MYLK3: variants seen among roughly 807,000 people sequenced by gnomAD.
MYLK3 encodes the protein myosin light chain kinase 3.
MYLK3 carries 55 observed loss-of-function variants against 76.3 expected under a neutral mutation model. That is an observed-to-expected ratio of 0.72 (90% CI 0.58 to 0.90). The LOEUF (loss-of-function observed/expected upper bound fraction) is 0.90. Among genes scored for constraint, MYLK3 ranks in the 40% least tolerant of loss-of-function variants. MYLK3 has a pLI of 0.00. For missense variants in MYLK3, 973 were observed against 1,053.6 expected (o/e 0.92, Z 1.06); for synonymous variants, 416 against 425.4 (o/e 0.98, Z 0.27).
exon 1 of MYLK3, chr16:46,763,050 C>A: frequency 3.0e-6 from 3 of 985,486 alleles, no homozygotes; most frequent in Non-Finnish European, 3.6e-6. Flanking sequence ...CACTTTCCAT[C>A]CATGGGTCCC....
intron 1 of MYLK3, among the ~76,000 whole-genome samples, chr16:46,746,086 C>T (rs1046148896): frequency 6.6e-6 from 1 of 151,992 alleles, no homozygotes; most frequent in Non-Finnish European, 1.5e-5. Context: ...GATTGGTTCC[C>T]GGGCCCCCTC....
intron 7 of MYLK3, 132 bp downstream of exon 7, chr16:46,728,892 A>G (rs1966847160): frequency 1.5e-6 from 1 of 659,382 alleles, no homozygotes; most frequent in East Asian, 2.6e-5. Flanking sequence ...GCCAGAGAAG[A>G]CAGGATGACA....
chr16:46,735,704 G>A (rs1232643862), intron 3 of MYLK3, among the ~76,000 whole-genome samples: 1 of 152,174 alleles, frequency 6.6e-6, no homozygotes, highest in Non-Finnish European at 1.5e-5. Flanking sequence ...GGTAGGAAGG[G>A]AAGTGTGGCA....
intron 1 of MYLK3, among the ~76,000 whole-genome samples, chr16:46,753,390 G>A (rs1434854332): frequency 6.6e-6 from 1 of 152,156 alleles, no homozygotes; most frequent in Non-Finnish European, 1.5e-5. Context: ...CTGGCTTTTG[G>A]GGTTCCTCAG....
At chr16:46,762,852 A>G (rs1480393779) in intron 1 of MYLK3, among the ~76,000 whole-genome samples, 2 of 152,226 alleles carry the variant, frequency 1.3e-5, no homozygotes, top group Non-Finnish European at 2.9e-5. Context: ...TGAGTTACAC[A>G]TGCAATTCTC....
chr16:46,755,069 T>TG (rs1164097535), intron 1 of MYLK3, among the ~76,000 whole-genome samples: 2 of 151,954 alleles, frequency 1.3e-5, no homozygotes, highest in Non-Finnish European at 2.9e-5. Context: ...CTAATTTTTG[T>TG]GGGGTTTTTT....
chr16:46,746,684 C>G (rs1365089406), intron 1 of MYLK3, among the ~76,000 whole-genome samples: 1 of 152,194 alleles, frequency 6.6e-6, no homozygotes. Flanking sequence ...CTCGGCCTCC[C>G]AAAGCACTAG....
chr16:46,715,732 G>A (rs1324683476), intron 9 of MYLK3, among the ~76,000 whole-genome samples: 4 of 152,178 alleles, frequency 2.6e-5, no homozygotes, highest in Admixed American at 2.6e-4. Flanking sequence ...CCCTCTTGCT[G>A]GAGATCCTGA....
At chr16:46,743,213 G>C (rs1457079254) in intron 1 of MYLK3, among the ~76,000 whole-genome samples, 1 of 152,202 alleles carries the variant, frequency 6.6e-6, no homozygotes, top group Non-Finnish European at 1.5e-5. Context: ...GGAACCAAAT[G>C]AAGTGCTGCT....
intron 10 of MYLK3, 37 bp downstream of exon 10, chr16:46,712,611 C>A (rs1394343778): frequency 3.6e-6 from 5 of 1,406,700 alleles, no homozygotes. Context: ...CAAATGACCC[C>A]TGTCCCCACT....
chr16:46,739,795 A>T (rs1394303952), intron 2 of MYLK3, among the ~76,000 whole-genome samples: 4 of 152,254 alleles, frequency 2.6e-5, no homozygotes, highest in Non-Finnish European at 5.9e-5. Flanking sequence ...CAAAAATTAT[A>T]CTTGAATTTT....
In MYLK3 at chr16:46,756,156, C is replaced by T. The variant is rs573260207; in HGVS notation, c.-114+6884G>A. On this transcript the variant is annotated intron_variant, in intron 1 of 11. Transcript: ENST00000536476. The stretch of plus-strand genomic sequence containing the variant: ...AACTCCTAAGCTCAGGCAATCCACC[C>T]GCCTTGGTCTCCCAAAGTGCTAGGA... Among the ~76,000 whole-genome samples the T allele has an allele frequency of 2.3e-3, 351 of 152,248 alleles. 3 individuals are homozygous for T. Among genetic ancestry groups the T allele is most frequent in the Non-Finnish European group, 2.2e-3 (149 of 68,026 alleles).
rs112881913 is a variant in MYLK3, at chr16:46,706,442, C to A, written c.*1262G>T. ...CAGAGTAGCTGACATTACAGGCATC[C>A]GCCACCACGCCCCACTAATTTTTGT... On this transcript the variant is annotated 3_prime_UTR_variant, in exon 13 of 13. Coordinates refer to ENST00000394809, the MANE Select transcript of MYLK3 (RefSeq NM_182493.3). 27,170 of 151,762 alleles carry A rather than the reference C, an allele frequency of 0.18. 2,790 individuals carry two copies. The highest frequency in any genetic ancestry group is 0.27 in the African/African-American group (11,268 of 41,302). 9.4% of individuals were successfully genotyped at this position (151,762 alleles called of 1,614,324 possible).
chr16:46,734,634 A>C (rs564213899), intron 3 of MYLK3, among the ~76,000 whole-genome samples: 56 of 152,092 alleles, frequency 3.7e-4, no homozygotes, highest in African/African-American at 1.0e-3. Context: ...CACACACACA[A>C]AAAGACAAAT....
chr16:46,758,670 T>G (rs1256717940), intron 1 of MYLK3, among the ~76,000 whole-genome samples: 3 of 152,130 alleles, frequency 2.0e-5, no homozygotes, highest in Non-Finnish European at 4.4e-5. Flanking sequence ...TTCCCTTATT[T>G]TGTAGATGGA....
At position 46,703,177 on chromosome 16, in the gene MYLK3, AT is replaced by A. The variant is rs1290485108; in HGVS notation, c.*4526del. Among the ~76,000 whole-genome samples, 12 of 152,310 alleles carry A rather than the reference AT, an allele frequency of 7.9e-5. No homozygotes were observed. Among genetic ancestry groups the A allele is most frequent in the African/African-American group, 2.6e-4 (11 of 41,576 alleles). ...AATGGCTTTCAGTATATCTAGATCT[AT>A]CTATAACAGCTGTGAGGTATTCCAC... On this transcript the variant is annotated 3_prime_UTR_variant, in exon 13 of 13. Transcript: ENST00000394809.
At chr16:46,754,577 G>A (rs767275409) in intron 1 of MYLK3, among the ~76,000 whole-genome samples, 29 of 152,122 alleles carry the variant, frequency 1.9e-4, no homozygotes, top group Non-Finnish European at 1.9e-4. Context: ...CTACAGAGAG[G>A]GCCCACCAGC....
intron 1 of MYLK3, chr16:46,757,466 T>A (rs1188979319): frequency 2.0e-6 from 2 of 985,332 alleles, no homozygotes; most frequent in Non-Finnish European, 2.4e-6. Context: ...TGGCCTCTGG[T>A]GCTGGGACCG....
At chr16:46,762,578 G>A (rs933568958) in intron 1 of MYLK3, among the ~76,000 whole-genome samples, 2 of 152,182 alleles carry the variant, frequency 1.3e-5, no homozygotes, top group African/African-American at 2.4e-5. Flanking sequence ...TTTAGCAGCC[G>A]CAGGAAGACT....
Sources: gnomAD v4.1 joint callset for allele counts (sites outside exome capture counted in the v4.1 genomes callset) on GRCh38, gnomAD v4.1.1 for gene constraint, MANE v1.5 for transcripts, NCBI Gene and HGNC (gene_info 2026-07-23, HGNC 2026-07-21) for gene names.